Variants in ITGA4 observed in about 807,000 individuals in gnomAD.
The protein encoded by ITGA4 is integrin subunit alpha 4.
In ITGA4, 63 loss-of-function variants were observed where a neutral mutation model predicts 133.6. That is an observed-to-expected ratio of 0.47 (90% CI 0.38 to 0.58). The LOEUF is 0.58. ITGA4 is among the 20% of genes least tolerant of loss of function. The pLI, the probability that ITGA4 is intolerant of heterozygous loss-of-function variation, is 0.00. For missense variants in ITGA4, 1,076 were observed against 1,252.7 expected (o/e 0.86, Z 2.13); for synonymous variants, 483 against 438.0 (o/e 1.10, Z -1.28).
intron 2 of ITGA4, among the ~76,000 whole-genome samples, chr2:181,461,985 GATTT>G (rs1486210379): frequency 6.6e-6 from 1 of 151,952 alleles, no homozygotes; most frequent in African/African-American, 2.4e-5. Context: ...TAATATTTTG[GATTT>G]ATTAGGCGAA....
Position 181,534,289 on chromosome 2 carries a change from C to G in ITGA4, c.2802C>G (p.Leu934=), listed in dbSNP as rs1406934480. ...TTAAACAGGATGAGACTTCAGCACT[C>G]AAGTTTGAAATAAGAGCAACAGGTT... The part of the protein sequence containing the change: ...SILEMDETSA[L]KFEIRATGFP... Residue 934 remains leucine, a synonymous_variant, in exon 26 of 28, where the codon CTC becomes CTG. Transcript: ENST00000397033. 6.2e-7 allele frequency: 1 copy of G among 1,604,964 alleles called. No homozygotes were observed. The highest frequency in any genetic ancestry group is 8.5e-7 in the Non-Finnish European group (1 of 1,172,188).
intron 15 of ITGA4, 143 bp from the exon 16 acceptor site, chr2:181,509,515 A>ATT (rs924668870): frequency 2.1e-6 from 1 of 482,546 alleles, no homozygotes; most frequent in Non-Finnish European, 3.5e-6. Flanking sequence ...ATACATCTTC[A>ATT]TTTTTTTAAC....
At chr2:181,489,401 G>T (rs542119156) in intron 10 of ITGA4, among the ~76,000 whole-genome samples, 2 of 152,124 alleles carry the variant, frequency 1.3e-5, no homozygotes, top group Non-Finnish European at 2.9e-5. Flanking sequence ...GAAAAAATCG[G>T]TCAGACAGAC....
intron 2 of ITGA4, chr2:181,459,361 C>T (rs1320878111): frequency 6.6e-6 from 1 of 152,126 alleles, no homozygotes; most frequent in South Asian, 2.1e-4. Context: ...CATCTGTAAA[C>T]GGTGAATAAA....
At chr2:181,476,514 G>A (rs1489066835) in intron 4 of ITGA4, among the ~76,000 whole-genome samples, 3 of 152,154 alleles carry the variant, frequency 2.0e-5, no homozygotes, top group African/African-American at 7.2e-5. Flanking sequence ...TTTCATAGAA[G>A]TTTACTTATA....
At position 181,467,061 on chromosome 2, in the gene ITGA4, A is replaced by G. The variant is rs150938415; in HGVS notation, c.320-7899A>G. ...GAAGTTATGTGAGTGAAGGGATTAT[A>G]TACTTTAATTATTGCTTTTATAAAA... On this transcript the variant is annotated intron_variant, in intron 2 of 27. Coordinates refer to ENST00000397033, the MANE Select transcript of ITGA4 (RefSeq NM_000885.6). 2.6e-4 allele frequency among the ~76,000 whole-genome samples: 40 copies of G among 152,288 alleles called. 1 individual carries two copies. In the East Asian group the frequency reaches 7.7e-3, roughly 29 times the overall value.
chr2:181,495,154 A>T lies in ITGA4; in HGVS notation c.1340-217A>T, dbSNP rs1158996739. Among the ~76,000 whole-genome samples the T allele has an allele frequency of 6.6e-6, 1 of 152,234 alleles. No homozygotes were observed. Among genetic ancestry groups the T allele is most frequent in the Non-Finnish European group, 1.5e-5 (1 of 68,034 alleles). On this transcript the variant is annotated intron_variant, in intron 12 of 27. Coordinates refer to ENST00000397033, the MANE Select transcript of ITGA4 (RefSeq NM_000885.6). This position sits in a 1 kb window ranked among gnomAD's most constrained non-coding sequence, Gnocchi z 4.3. ...TTGTTTTAGTAAACTTGTTTTTGTC[A>T]TAAAGTTTATGATATATCATAATGG...
At chr2:181,521,963 A>C (rs1272127670) in intron 17 of ITGA4, among the ~76,000 whole-genome samples, 1 of 152,202 alleles carries the variant, frequency 6.6e-6, no homozygotes, top group African/African-American at 2.4e-5. Context: ...ATAGCTCATT[A>C]AAGTTTCCTT....
chr2:181,472,543 A>G (rs970572711), intron 2 of ITGA4, among the ~76,000 whole-genome samples: 1 of 152,212 alleles, frequency 6.6e-6, no homozygotes, highest in Non-Finnish European at 1.5e-5. Context: ...TTCAGAGGGA[A>G]CTTATTAACA....
intron 9 of ITGA4, 78 bp downstream of exon 9, chr2:181,482,729 G>C (rs1024189303): frequency 1.5e-6 from 2 of 1,367,308 alleles, no homozygotes; most frequent in Admixed American, 1.8e-5. Context: ...CCAGAGATCT[G>C]AGATTGTTTT....
chr2:181,487,700 A>G (rs996475890), intron 10 of ITGA4, among the ~76,000 whole-genome samples: 19 of 152,210 alleles, frequency 1.2e-4, no homozygotes, highest in Non-Finnish European at 1.5e-5. Context: ...TTGAACATTT[A>G]TTTTGGGTCA....
At chr2:181,476,326 A>G (rs968200977) in intron 4 of ITGA4, 2 of 152,306 alleles carry the variant, frequency 1.3e-5, no homozygotes, top group African/African-American at 4.8e-5. Flanking sequence ...TACTACAAAA[A>G]TCTCAAGATG....
In ITGA4 at chr2:181,482,648, C is replaced by T. The variant is rs1574387666; in HGVS notation, c.1038C>T (p.Gly346=). The part of the protein sequence containing the change: ...EGRVFVYINS[G]SGAVMNAMET... ...GAGTGTTTGTGTACATCAACTCTGG[C>T]TCGGTATGTCCAAGTGCCCCAACTG... is the stretch of plus-strand genomic sequence containing the variant. Residue 346 remains glycine, a synonymous_variant, in exon 9 of 28, where the codon GGC becomes GGT. Transcript: ENST00000397033. The T allele has an allele frequency of 2.5e-6, 4 of 1,613,334 alleles. No homozygotes were observed. In the African/African-American group the frequency reaches 5.3e-5, roughly 22 times the overall value.
chr2:181,492,306 C>G (rs1280179533), intron 10 of ITGA4, among the ~76,000 whole-genome samples: 2 of 152,102 alleles, frequency 1.3e-5, no homozygotes, highest in African/African-American at 2.4e-5. Flanking sequence ...AATAGAAAAG[C>G]TTTTGCATTT....
At chr2:181,466,669 G>GT (rs1177182980) in intron 2 of ITGA4, among the ~76,000 whole-genome samples, 1 of 152,120 alleles carries the variant, frequency 6.6e-6, no homozygotes, top group Non-Finnish European at 1.5e-5. Context: ...TTAACTAGAT[G>GT]TGTGAAAAGA....
At position 181,537,710 on chromosome 2, in the gene ITGA4, G is replaced by A; in HGVS notation, c.*2183G>A. The stretch of plus-strand genomic sequence containing the variant: ...ATTGATGTATTATGATGGTTGCAAA[G>A]TTTTTTTGTGTGTCCAATAAACACA... On this transcript the variant is annotated 3_prime_UTR_variant, in exon 28 of 28. Coordinates refer to ENST00000397033, the MANE Select transcript of ITGA4 (RefSeq NM_000885.6). 2 of 426,692 alleles carry A rather than the reference G, an allele frequency of 4.7e-6. No individual in the cohort carries two copies. Among genetic ancestry groups the A allele is most frequent in the South Asian group, 3.4e-5 (2 of 59,228 alleles). 26.4% of individuals were successfully genotyped at this position (426,692 alleles called of 1,614,324 possible). A position where few individuals can be genotyped will look rare whatever the true frequency, so the allele number is the denominator to read the frequency against.
At chr2:181,535,003 C>G in intron 27 of ITGA4, 68 bp downstream of exon 27, 1 of 1,465,592 alleles carries the variant, frequency 6.8e-7, no homozygotes, top group Non-Finnish European at 9.1e-7. Context: ...AATTTGACTT[C>G]CAAGTTATTA....
Position 181,537,376 on chromosome 2 carries a change from A to G in ITGA4, c.*1849A>G, listed in dbSNP as rs1273731431. On this transcript the variant is annotated 3_prime_UTR_variant, in exon 28 of 28. Coordinates refer to ENST00000397033, the MANE Select transcript of ITGA4 (RefSeq NM_000885.6). ...TCAGATACAAGGGGAACACAATTAC[A>G]TATTGGGCTAGATTTTGCCCAGTTC... The G allele has an allele frequency of 2.2e-6, 1 of 453,892 alleles. No individual in the cohort carries two copies. The highest frequency in any genetic ancestry group is 7.0e-5 in the East Asian group (1 of 14,360). 28.1% of individuals were successfully genotyped at this position (453,892 alleles called of 1,614,324 possible). A position where few individuals can be genotyped will look rare whatever the true frequency, so the allele number is the denominator to read the frequency against.
At chr2:181,457,343 T>G (rs6741016), upstream of ITGA4, 763 of 313,598 alleles carry the variant, frequency 2.4e-3, 8 homozygotes, top group African/African-American at 0.016. Flanking sequence ...GCCCTGCGCC[T>G]CCGCACCACG....
Sources: gnomAD v4.1 joint callset for allele counts (sites outside exome capture counted in the v4.1 genomes callset) on GRCh38, gnomAD v4.1.1 for gene constraint, Gnocchi (gnomAD v3.1) non-coding constraint, MANE v1.5 for transcripts, NCBI Gene and HGNC (gene_info 2026-07-23, HGNC 2026-07-21) for gene names.